Variants in WIPF1 observed in about 807,000 individuals in gnomAD.
WIPF1 encodes WAS/WASL interacting protein family member 1.
Under a neutral mutation model 35.4 loss-of-function variants are expected in WIPF1, and 13 were observed. That is an observed-to-expected ratio of 0.37 (90% CI 0.24 to 0.58). The LOEUF (loss-of-function observed/expected upper bound fraction) is 0.58. Ranked by LOEUF, WIPF1 falls within the 20% of genes least tolerant of loss-of-function variation. The pLI is 0.74. For missense variants in WIPF1, 591 were observed against 667.0 expected (o/e 0.89, Z 1.25); for synonymous variants, 267 against 266.3 (o/e 1.00, Z -0.02).
At chr2:174,661,972 C>A (rs1347289871) in intron 1 of WIPF1, among the ~76,000 whole-genome samples, 1 of 152,076 alleles carries the variant, frequency 6.6e-6, no homozygotes, top group African/African-American at 2.4e-5. Flanking sequence ...TCTTCCTTCA[C>A]CCTCTTGGGA....
At chr2:174,598,495 A>G (rs1685894061), upstream of WIPF1, among the ~76,000 whole-genome samples, 1 of 151,970 alleles carries the variant, frequency 6.6e-6, no homozygotes, top group Admixed American at 6.6e-5. Flanking sequence ...TTATTTTTAT[A>G]TTTGGTAGAG....
chr2:174,567,922 T>C lies in WIPF1; in HGVS notation c.1281A>G (p.Ala427=). 6.2e-7 allele frequency: 1 copy of C among 1,611,926 alleles called. No homozygotes were observed. Among genetic ancestry groups the C allele is most frequent in the Admixed American group, 1.7e-5 (1 of 59,652 alleles). Residue 427 remains alanine (A), a synonymous_variant, in exon 6 of 8, where the codon GCA becomes GCG. Coordinates refer to ENST00000679041, the MANE Select transcript of WIPF1 (RefSeq NM_001375834.1). Reference sequence around the variant, plus strand: ...ATGTTGATGGTGGAGGTGGGGGAGGTGCCCCAGCACTGGGCCTATCAGGAG... The same window carrying C: ...ATGTTGATGGTGGAGGTGGGGGAGGCGCCCCAGCACTGGGCCTATCAGGAG... ...PLPPDRPSAG[A]PPPPPPSTSI...
intron 1 of WIPF1, among the ~76,000 whole-genome samples, chr2:174,635,529 GTTTTTTTTTT>G (rs1197924942): frequency 8.6e-6 from 1 of 115,624 alleles, no homozygotes; most frequent in African/African-American, 3.4e-5. Flanking sequence ...CCTTCTGTTT[GTTTTTTTTTT>G]TTTTTTTTTT....
intron 1 of WIPF1, among the ~76,000 whole-genome samples, chr2:174,589,578 G>T (rs1456325048): frequency 6.6e-6 from 1 of 152,166 alleles, no homozygotes. Context: ...TTCCTGCCTG[G>T]ATCCTCACAC....
intron 1 of WIPF1, among the ~76,000 whole-genome samples, chr2:174,651,664 T>C (rs1360063054): frequency 2.0e-5 from 3 of 152,236 alleles, no homozygotes; most frequent in African/African-American, 7.2e-5. Context: ...CGATGTGTTA[T>C]ATGGTAACTA....
At chr2:174,591,952 G>A (rs1052322345) in intron 1 of WIPF1, among the ~76,000 whole-genome samples, 9 of 152,142 alleles carry the variant, frequency 5.9e-5, no homozygotes, top group African/African-American at 2.2e-4. Context: ...CAACAGTACA[G>A]GGGACACATT....
At chr2:174,608,295 A>G (rs748114269) in intron 1 of WIPF1, among the ~76,000 whole-genome samples, 1 of 152,182 alleles carries the variant, frequency 6.6e-6, no homozygotes, top group African/African-American at 2.4e-5. Context: ...TCTGCATTCT[A>G]TGCCCCTGTG....
In WIPF1 at chr2:174,622,793, C is replaced by T. The variant is rs1574842506; in HGVS notation, c.-38-37182G>A. On this transcript the variant is annotated intron_variant, in intron 1 of 8. Coordinates refer to the WIPF1 transcript ENST00000272746. The surrounding 1 kb of genome is among the most constrained non-coding windows in gnomAD (Gnocchi z 5.1). Reference sequence around the variant, plus strand: ...TTTTTGTTTTTAATTTTTGTGGGTACACAGTCTTTGTTTTGATTTTCCAGA... The same window carrying T: ...TTTTTGTTTTTAATTTTTGTGGGTATACAGTCTTTGTTTTGATTTTCCAGA... Among the ~76,000 whole-genome samples, 1 of 152,094 alleles carries T rather than the reference C, an allele frequency of 6.6e-6. No individual in the cohort carries two copies. The highest frequency in any genetic ancestry group is 1.5e-5 in the Non-Finnish European group (1 of 68,012).
At chr2:174,600,912 C>CGTT (rs1187567460), upstream of WIPF1, among the ~76,000 whole-genome samples, 1 of 65,436 alleles carries the variant, frequency 1.5e-5, no homozygotes, top group East Asian at 4.5e-4. Context: ...CATAATGTTC[C>CGTT]TTTTTTTTTT....
intron 1 of WIPF1, among the ~76,000 whole-genome samples, chr2:174,682,550 G>A (rs13002156): frequency 0.13 from 19,149 of 152,038 alleles, 1,608 homozygotes; most frequent in Non-Finnish European, 0.19. Context: ...GCGGGCAGCA[G>A]AACGCGCGGG....
At chr2:174,646,834 C>T (rs571632915) in intron 1 of WIPF1, among the ~76,000 whole-genome samples, 17 of 152,230 alleles carry the variant, frequency 1.1e-4, no homozygotes, top group Admixed American at 3.3e-4. Flanking sequence ...AGGTGGGTCT[C>T]GAACTCCTGG....
At chr2:174,631,810 C>G (rs1387528387) in intron 1 of WIPF1, among the ~76,000 whole-genome samples, 1 of 152,212 alleles carries the variant, frequency 6.6e-6, no homozygotes, top group Non-Finnish European at 1.5e-5. Context: ...CAGAGTTTAA[C>G]TTTCTTTTCC....
chr2:174,675,671 T>C (rs1688113721), intron 1 of WIPF1, among the ~76,000 whole-genome samples: 1 of 152,116 alleles, frequency 6.6e-6, no homozygotes. Flanking sequence ...CAATATAATT[T>C]TTAAAGAGTG....
At chr2:174,654,210 A>G (rs1268632664) in intron 1 of WIPF1, among the ~76,000 whole-genome samples, 1 of 152,210 alleles carries the variant, frequency 6.6e-6, no homozygotes, top group Non-Finnish European at 1.5e-5. Flanking sequence ...AAAATTGATC[A>G]TGGAGACATG....
intron 3 of WIPF1, among the ~76,000 whole-genome samples, chr2:174,579,432 C>A (rs1383628609): frequency 1.3e-5 from 2 of 152,196 alleles, no homozygotes; most frequent in Non-Finnish European, 2.9e-5. Flanking sequence ...TCACACATAA[C>A]CATGGTCAAC....
chr2:174,656,932 T>G (rs1687652125), intron 1 of WIPF1, among the ~76,000 whole-genome samples: 2 of 152,368 alleles, frequency 1.3e-5, no homozygotes, highest in South Asian at 4.1e-4. Flanking sequence ...AGCTACTCAG[T>G]GCCTTTAACC....
At chr2:174,677,876 A>T (rs1244697617) in intron 1 of WIPF1, among the ~76,000 whole-genome samples, 1 of 152,230 alleles carries the variant, frequency 6.6e-6, no homozygotes, top group Non-Finnish European at 1.5e-5. Flanking sequence ...CTGATGTTGA[A>T]ATTAAAGGTT....
intron 1 of WIPF1, among the ~76,000 whole-genome samples, chr2:174,591,346 A>T (rs995248188): frequency 6.6e-6 from 1 of 152,208 alleles, no homozygotes; most frequent in Non-Finnish European, 1.5e-5. Flanking sequence ...TTTGTCTATT[A>T]TCCATTGTGG....
chr2:174,583,443 T>C (rs1036117650), intron 2 of WIPF1, among the ~76,000 whole-genome samples: 1 of 152,220 alleles, frequency 6.6e-6, no homozygotes, highest in African/African-American at 2.4e-5. Context: ...CTGACCTCCC[T>C]GGGTGCTAAC....
Sources: allele counts gnomAD v4.1 joint callset (sites outside exome capture counted in the v4.1 genomes callset), GRCh38; gene constraint gnomAD v4.1.1; non-coding constraint Gnocchi (gnomAD v3.1); transcripts MANE v1.5; gene names NCBI Gene and HGNC (gene_info 2026-07-23, HGNC 2026-07-21).